The following AACS variants were observed in gnomAD, a reference collection of about 807,000 sequenced individuals.
The protein encoded by AACS is acetoacetyl-CoA synthetase.
A neutral mutation model predicts 83.1 loss-of-function variants in AACS; 69 were observed. The observed-to-expected ratio is 0.83, with a 90% CI of 0.68 to 1.01. The LOEUF is 1.01. AACS is among the 50% of genes least tolerant of loss of function. The pLI is 0.00. For synonymous variants in AACS, 333 were observed against 343.4 expected (o/e 0.97, Z 0.33); for missense variants, 866 against 882.2 (o/e 0.98, Z 0.23).
intron 1 of AACS, among the ~76,000 whole-genome samples, chr12:125,070,026 A>T (rs920582215): frequency 9.9e-5 from 15 of 152,136 alleles, no homozygotes; most frequent in African/African-American, 3.6e-4. Flanking sequence ...TTCCTTGTCT[A>T]TGAGGAACAT....
At chr12:125,066,821 T>G (rs1296346399) in intron 1 of AACS, among the ~76,000 whole-genome samples, 1 of 152,048 alleles carries the variant, frequency 6.6e-6, no homozygotes, top group East Asian at 1.9e-4. Context: ...CTTGTTTCTG[T>G]TGGTGGCGTC....
chr12:125,122,314 A>C (rs1015105201), intron 10 of AACS: 4 of 152,170 alleles, frequency 2.6e-5, no homozygotes, highest in Admixed American at 2.6e-4. Context: ...CTGAATCAGG[A>C]GAACACTGAT....
At chr12:125,118,419 C>T (rs902117269) in intron 9 of AACS, 28 of 569,100 alleles carry the variant, frequency 4.9e-5, no homozygotes, top group Non-Finnish European at 3.9e-5. Flanking sequence ...GTGCAACAGA[C>T]ATTCTGTGAC....
At chr12:125,119,565 A>AAG (rs1428415944) in intron 10 of AACS, among the ~76,000 whole-genome samples, 1 of 152,240 alleles carries the variant, frequency 6.6e-6, no homozygotes, top group African/African-American at 2.4e-5. Flanking sequence ...GGCAACAGGC[A>AAG]AGAGAGCGTG....
At chr12:125,069,839 A>G (rs893487575) in intron 1 of AACS, among the ~76,000 whole-genome samples, 8 of 152,198 alleles carry the variant, frequency 5.3e-5, no homozygotes, top group African/African-American at 1.9e-4. Context: ...GAGAGAGCTC[A>G]TGTGAAGATA....
Position 125,134,613 on chromosome 12 carries a change from G to A in AACS, c.1620-181G>A, listed in dbSNP as rs140114833. Among the ~76,000 whole-genome samples the A allele has an allele frequency of 2.7e-3, 414 of 152,330 alleles. 2 individuals carry two copies. Among genetic ancestry groups the A allele is most frequent in the Middle Eastern group, 0.01 (3 of 294 alleles). On this transcript the variant is annotated intron_variant, in intron 15 of 17. Transcript: ENST00000316519. ...ATGTTCCTGCCTCCCTCGATGGAAA[G>A]CTTTAACCTGAGAGGGAGAAAGAGC...
At chr12:125,087,964 C>G (rs1347924038) in intron 4 of AACS, among the ~76,000 whole-genome samples, 5 of 152,188 alleles carry the variant, frequency 3.3e-5, no homozygotes, top group African/African-American at 1.2e-4. Flanking sequence ...GGGGTTGCCT[C>G]CTCAGAGGCC....
chr12:125,091,644 G>A (rs879657007), intron 5 of AACS, 121 bp downstream of exon 5: 16 of 980,500 alleles, frequency 1.6e-5, no homozygotes, highest in Non-Finnish European at 2.5e-5. Flanking sequence ...GGAGGAGGTG[G>A]CGTTGCAGCT....
Position 125,086,418 on chromosome 12 carries a change from T to G in AACS, c.447T>G (p.Gly149=). The G allele has an allele frequency of 1.2e-6, 2 of 1,613,998 alleles. No individual in the cohort carries two copies. The highest frequency in any genetic ancestry group is 2.2e-5 in the East Asian group (1 of 44,876). ...ALFAAAMRKM[G]VKKGDRVVGY... ...TTGCAGCAGCAATGAGGAAAATGGG[T>G]GTGAAGAAAGGAGATCGGGTTGTTG... Residue 149 remains glycine, a synonymous_variant, in exon 4 of 18, where the codon GGT becomes GGG. Transcript: ENST00000316519.
intron 1 of AACS, 132 bp from the exon 2 acceptor site, chr12:125,073,744 T>A: frequency 3.0e-6 from 2 of 665,056 alleles, no homozygotes; most frequent in South Asian, 3.9e-5. Context: ...AGCTCCTTCC[T>A]CCCCCAGACC....
At position 125,085,568 on chromosome 12, in the gene AACS, A is replaced by G. The variant is rs537773024; in HGVS notation, c.359-762A>G. Among the ~76,000 whole-genome samples, 10 of 151,544 alleles carry G rather than the reference A, an allele frequency of 6.6e-5. 1 individual carries two copies. The South Asian group carries it at 1.9e-3, about 28-fold the overall frequency. On this transcript the variant is annotated intron_variant, in intron 3 of 17. Transcript: ENST00000316519. ...ACATCTGTTTCACGGAATCACGCAC[A>G]TGCACGTCGCATCCACGTCTGTTTC...
chr12:125,129,564 C>CA lies in AACS; in HGVS notation c.1549+105dup. 1 of 1,437,766 alleles carries CA rather than the reference C, an allele frequency of 7.0e-7. No homozygotes were observed. The highest frequency in any genetic ancestry group is 9.4e-7 in the Non-Finnish European group (1 of 1,067,980). The allele number at this position is 1,437,766 out of a possible 1,614,324, so 89.1% of individuals were successfully genotyped here. ...GCCCCTCCCCTCTTCCTTCCCCCAC[C>CA]AGGGCTTGGAGAAGCTGCTTATAGT... On this transcript the variant is annotated intron_variant, in intron 14 of 17. Transcript: ENST00000316519. The surrounding 1 kb of genome is among the most constrained non-coding windows in gnomAD (Gnocchi z 4.3).
At chr12:125,103,486 T>C (rs545037533) in intron 7 of AACS, among the ~76,000 whole-genome samples, 87 of 152,296 alleles carry the variant, frequency 5.7e-4, no homozygotes, top group African/African-American at 1.9e-3. Flanking sequence ...TACACATGCA[T>C]GTGCATTTAC....
intron 4 of AACS, among the ~76,000 whole-genome samples, chr12:125,087,881 C>T (rs569810182): frequency 5.9e-5 from 9 of 152,188 alleles, no homozygotes; most frequent in Non-Finnish European, 1.2e-4. Flanking sequence ...ATGGGCATGC[C>T]GGCTGCCTCC....
At chr12:125,093,430 G>A (rs573462821) in intron 5 of AACS, among the ~76,000 whole-genome samples, 1 of 152,336 alleles carries the variant, frequency 6.6e-6, no homozygotes, top group Non-Finnish European at 1.5e-5. Flanking sequence ...TCATTGTCCT[G>A]TGCACGTCAC....
intron 14 of AACS, among the ~76,000 whole-genome samples, chr12:125,132,564 A>G (rs1957343400): frequency 6.6e-6 from 1 of 151,814 alleles, no homozygotes; most frequent in Non-Finnish European, 1.5e-5. Flanking sequence ...CATCCATTGC[A>G]AGCCTAGGAG....
intron 14 of AACS, among the ~76,000 whole-genome samples, chr12:125,131,051 G>A (rs57211876): frequency 3.3e-5 from 5 of 152,208 alleles, no homozygotes; most frequent in South Asian, 2.1e-4. Context: ...GCAAGCCTTC[G>A]TTTCCACAAC....
chr12:125,081,842 C>A lies in AACS; in HGVS notation c.359-4488C>A, dbSNP rs73421883. Among the ~76,000 whole-genome samples the A allele has an allele frequency of 3.9e-3, 591 of 150,780 alleles. 9 individuals carry two copies. The highest frequency in any genetic ancestry group is 0.014 in the African/African-American group (574 of 40,972). ...CAGCAAGGAGAGGATGAAGGGCAGA[C>A]GCGTACAACTCTAGGCAAATAGGAA... On this transcript the variant is annotated intron_variant, in intron 3 of 17. Coordinates refer to ENST00000316519, the MANE Select transcript of AACS (RefSeq NM_023928.5).
chr12:125,107,627 T>C (rs10400509), intron 8 of AACS, among the ~76,000 whole-genome samples: 71,260 of 152,014 alleles, frequency 0.47, 17,602 homozygotes, highest in African/African-American at 0.63. Context: ...GCCCTGCCAG[T>C]ATTTTAAAAA....
Sources: gnomAD v4.1 joint callset for allele counts (sites outside exome capture counted in the v4.1 genomes callset) on GRCh38, gnomAD v4.1.1 for gene constraint, Gnocchi (gnomAD v3.1) non-coding constraint, MANE v1.5 for transcripts, NCBI Gene and HGNC (gene_info 2026-07-23, HGNC 2026-07-21) for gene names.